The following PDCD1LG2 variants were observed in gnomAD, a reference collection of about 807,000 sequenced individuals.
The protein encoded by PDCD1LG2 is programmed cell death 1 ligand 2, also known as B7 dendritic cell molecule.
Under a neutral mutation model 28.2 loss-of-function variants are expected in PDCD1LG2, and 32 were observed. The observed-to-expected ratio is 1.13, with a 90% CI of 0.86 to 1.52. The LOEUF (loss-of-function observed/expected upper bound fraction) is 1.52, where lower values mean the gene tolerates loss of function less well. Among genes scored for constraint, PDCD1LG2 ranks in the 40% most tolerant of loss-of-function variants. The pLI, the probability that PDCD1LG2 is intolerant of heterozygous loss-of-function variation, is 0.00. For missense variants in PDCD1LG2, 385 were observed against 323.8 expected (o/e 1.19, Z -1.45); for synonymous variants, 116 against 120.2 (o/e 0.97, Z 0.23).
chr9:5,530,980 G>C (rs1318687652), intron 2 of PDCD1LG2, among the ~76,000 whole-genome samples: 1 of 152,228 alleles, frequency 6.6e-6, no homozygotes, highest in Non-Finnish European at 1.5e-5. Flanking sequence ...GGTGGTAAAA[G>C]ACGCTTGCAC....
intron 1 of PDCD1LG2, among the ~76,000 whole-genome samples, chr9:5,519,959 C>T (rs1198818491): frequency 1.3e-5 from 2 of 152,182 alleles, no homozygotes; most frequent in Non-Finnish European, 2.9e-5. Context: ...GAAAGACATG[C>T]TGTATTCATG....
At chr9:5,549,666 T>A (rs2129880115) in intron 4 of PDCD1LG2, 62 bp downstream of exon 4, 1 of 1,582,150 alleles carries the variant, frequency 6.3e-7, no homozygotes, top group Non-Finnish European at 8.6e-7. Flanking sequence ...ACAGATGGCA[T>A]ACTCGAGTGA....
intron 3 of PDCD1LG2, among the ~76,000 whole-genome samples, chr9:5,541,864 T>A (rs1379589177): frequency 6.6e-6 from 1 of 151,980 alleles, no homozygotes; most frequent in Non-Finnish European, 1.5e-5. Flanking sequence ...AGAGCCCACA[T>A]AGCCAAAGCA....
At chr9:5,566,373 T>G (rs1313413603) in intron 6 of PDCD1LG2, among the ~76,000 whole-genome samples, 1 of 152,226 alleles carries the variant, frequency 6.6e-6, no homozygotes, top group Non-Finnish European at 1.5e-5. Flanking sequence ...TCTCTTGCCT[T>G]TGTGCACATG....
rs1816753989 is a variant in PDCD1LG2, at chr9:5,570,680, T to C, written c.*721T>C. ...AACTACATCTTTCCTTTAAAAATTA[T>C]TGGTTTCTTTTTATTTGTTTTTACC... On this transcript the variant is annotated 3_prime_UTR_variant, in exon 7 of 7. Transcript: ENST00000397747. 1 of 231,982 alleles carries C rather than the reference T, an allele frequency of 4.3e-6. No individual in the cohort carries two copies. Among genetic ancestry groups the C allele is most frequent in the African/African-American group, 2.2e-5 (1 of 45,282 alleles). The allele number at this position is 231,982 out of a possible 1,614,324, so 14.4% of individuals were successfully genotyped here.
At chr9:5,541,350 C>T (rs763908191) in intron 3 of PDCD1LG2, among the ~76,000 whole-genome samples, 5 of 152,102 alleles carry the variant, frequency 3.3e-5, no homozygotes, top group Non-Finnish European at 7.4e-5. Flanking sequence ...ACTGGAAGTC[C>T]TGGCCAGAGC....
Position 5,523,401 on chromosome 9 carries a change from T to A in PDCD1LG2, c.55+800T>A, listed in dbSNP as rs1409100284. 2.0e-5 allele frequency among the ~76,000 whole-genome samples: 3 copies of A among 152,214 alleles called. No homozygotes were observed. The East Asian group carries it at 5.8e-4, about 29-fold the overall frequency. On this transcript the variant is annotated intron_variant, in intron 2 of 6. Transcript: ENST00000397747. ...CCATGGGAAATCATCTTTCTGCTCA[T>A]GATTGAGAAATAATGGCTCCCTTGG...
intron 2 of PDCD1LG2, among the ~76,000 whole-genome samples, chr9:5,531,200 A>C (rs1025118432): frequency 6.6e-6 from 1 of 152,202 alleles, no homozygotes; most frequent in Non-Finnish European, 1.5e-5. Flanking sequence ...TGCTTAGTGA[A>C]TCTAATTTGC....
intron 4 of PDCD1LG2, 34 bp from the exon 5 acceptor site, chr9:5,557,584 T>C (rs375870289): frequency 1.5e-4 from 235 of 1,612,752 alleles, no homozygotes; most frequent in Non-Finnish European, 1.9e-4. Flanking sequence ...TTAGTTGCCA[T>C]GTAACAGGAT....
At chr9:5,554,721 T>C (rs748134577) in intron 4 of PDCD1LG2, among the ~76,000 whole-genome samples, 2 of 152,136 alleles carry the variant, frequency 1.3e-5, no homozygotes, top group Non-Finnish European at 2.9e-5. Flanking sequence ...AAAATAAATA[T>C]AAAAGGACCC....
rs1820551727 is a variant in PDCD1LG2, at chr9:5,534,933, C to T, written c.244C>T (p.Leu82=). ...RATLLEEQLP[L]GKASFHIPQV... ...CACTTTGCTGGAGGAGCAGCTGCCC[C>T]TAGGGAAGGCCTCGTTCCACATACC... The change falls in exon 3 of 7, where the codon CTA becomes TTA. Residue 82 remains leucine (L), a synonymous_variant. Coordinates refer to ENST00000397747, the MANE Select transcript of PDCD1LG2 (RefSeq NM_025239.4). The T allele has an allele frequency of 6.2e-7, 1 of 1,614,086 alleles. No homozygotes were observed. Among genetic ancestry groups the T allele is most frequent in the Non-Finnish European group, 8.5e-7 (1 of 1,179,996 alleles).
chr9:5,527,337 G>A (rs1343056255), intron 2 of PDCD1LG2, among the ~76,000 whole-genome samples: 2 of 152,102 alleles, frequency 1.3e-5, no homozygotes, highest in Non-Finnish European at 2.9e-5. Context: ...TTAAGTCCAG[G>A]CACTTACTGA....
At chr9:5,529,177 T>G (rs1407840320) in intron 2 of PDCD1LG2, among the ~76,000 whole-genome samples, 3 of 152,252 alleles carry the variant, frequency 2.0e-5, no homozygotes, top group African/African-American at 7.2e-5. Flanking sequence ...TTTATCAATG[T>G]TTTCTTTTAT....
At chr9:5,535,555 A>T (rs1820564727) in intron 3 of PDCD1LG2, among the ~76,000 whole-genome samples, 1 of 152,198 alleles carries the variant, frequency 6.6e-6, no homozygotes, top group African/African-American at 2.4e-5. Flanking sequence ...ATCAGACGAC[A>T]TCACAGAGTA....
At chr9:5,524,486 G>C (rs1202348748) in intron 2 of PDCD1LG2, among the ~76,000 whole-genome samples, 1 of 152,186 alleles carries the variant, frequency 6.6e-6, no homozygotes, top group Non-Finnish European at 1.5e-5. Flanking sequence ...ATTCTTTTCT[G>C]CTTTCCACTA....
chr9:5,537,623 C>G (rs1007385644), intron 3 of PDCD1LG2, among the ~76,000 whole-genome samples: 2 of 151,944 alleles, frequency 1.3e-5, no homozygotes, highest in South Asian at 2.1e-4. Context: ...GCAAACTATC[C>G]CAAGGACAAA....
chr9:5,568,824 G>A (rs1209360558), intron 6 of PDCD1LG2, among the ~76,000 whole-genome samples: 1 of 152,176 alleles, frequency 6.6e-6, no homozygotes, highest in Non-Finnish European at 1.5e-5. Context: ...AAAAGTCTGT[G>A]TATTTTTTAT....
intron 2 of PDCD1LG2, among the ~76,000 whole-genome samples, chr9:5,531,734 T>C (rs531797580): frequency 6.6e-6 from 1 of 152,324 alleles, no homozygotes; most frequent in Non-Finnish European, 1.5e-5. Context: ...CAACAGTCTC[T>C]ACCCAAAGTC....
chr9:5,522,466 G>T (rs935622755), intron 1 of PDCD1LG2, 67 bp from the exon 2 acceptor site: 1 of 1,260,202 alleles, frequency 7.9e-7, no homozygotes, highest in South Asian at 1.3e-5. Flanking sequence ...GTTTTCAAAA[G>T]TGAACAAAGA....
Sources: gnomAD v4.1 joint callset for allele counts (sites outside exome capture counted in the v4.1 genomes callset) on GRCh38, gnomAD v4.1.1 for gene constraint, MANE v1.5 for transcripts, NCBI Gene and HGNC (gene_info 2026-07-23, HGNC 2026-07-21) for gene names.